Variants in CDH15 observed in about 807,000 individuals in gnomAD.
CDH15 encodes cadherin 15.
A neutral mutation model predicts 69.4 loss-of-function variants in CDH15; 73 were observed. The observed-to-expected ratio is 1.05, with a 90% confidence interval of 0.87 to 1.28. The LOEUF is 1.28. Ranked by LOEUF, CDH15 falls within the 50% of genes most tolerant of loss-of-function variation. CDH15 has a pLI of 0.00. For missense variants in CDH15, 1,343 were observed against 1,133.6 expected, an observed-to-expected ratio of 1.18 and a Z score of -2.65; for synonymous variants, 624 against 507.7, an observed-to-expected ratio of 1.23 and a Z score of -3.08.
intron 3 of CDH15, among the ~76,000 whole-genome samples, chr16:89,180,695 G>A (rs185781521): frequency 3.3e-4 from 50 of 152,344 alleles, no homozygotes; most frequent in Non-Finnish European, 5.1e-4. Context: ...GAGCTCAGGA[G>A]TGTCGTGAAG....
At chr16:89,174,251 C>T (rs1338266056) in intron 1 of CDH15, among the ~76,000 whole-genome samples, 1 of 152,244 alleles carries the variant, frequency 6.6e-6, no homozygotes, top group Non-Finnish European at 1.5e-5. Flanking sequence ...GGGGCCATTC[C>T]TGGCATGCCT....
At chr16:89,189,845 G>A (rs1915597542) in intron 7 of CDH15, among the ~76,000 whole-genome samples, 1 of 152,222 alleles carries the variant, frequency 6.6e-6, no homozygotes, top group African/African-American at 2.4e-5. Context: ...GGCTGGAGCC[G>A]ACGCAGCAGT....
chr16:89,180,314 C>G lies in CDH15; in HGVS notation c.316C>G (p.Leu106Val). ...CGACAAGTTCACAGGGAAGGTCTTC[C>G]TCAATGCCATGCTGGACCGCGAGAA... ...SIDKFTGKVF[L>V]NAMLDREKTD... The change falls in exon 3 of 14, where the codon CTC (leucine) becomes GTC (valine). Residue 106 changes from leucine to valine, a missense_variant. Physicochemically the swap from Leu to Val is conservative, Grantham distance 32. Transcript: ENST00000289746. 1 of 1,612,626 alleles carries G rather than the reference C, an allele frequency of 6.2e-7. No individual in the cohort carries two copies. The highest frequency in any genetic ancestry group is 8.5e-7 in the Non-Finnish European group (1 of 1,179,574).
intron 1 of CDH15, among the ~76,000 whole-genome samples, chr16:89,172,868 G>A (rs775229909): frequency 2.6e-5 from 4 of 152,208 alleles, no homozygotes; most frequent in Non-Finnish European, 5.9e-5. Context: ...GGGCTTAGCG[G>A]TGCTCACAGT....
chr16:89,172,219 GA>G (rs1915172183), intron 1 of CDH15, among the ~76,000 whole-genome samples: 1 of 152,166 alleles, frequency 6.6e-6, no homozygotes, highest in Admixed American at 6.5e-5. Flanking sequence ...GGAGCAGAGA[GA>G]GGGGGGAGCG....
chr16:89,192,627 A>G (rs1377205263), intron 11 of CDH15, among the ~76,000 whole-genome samples, 183 bp downstream of exon 11: 2 of 60,834 alleles, frequency 3.3e-5, no homozygotes, highest in Non-Finnish European at 3.1e-5. Context: ...CCGCCCCGTC[A>G]TTACCAGCCA....
rs141170431 is a variant in CDH15 at position 89,179,505 on chromosome 16, G to T, written c.132G>T (p.Arg44=). The change falls in exon 2 of 14, where the codon CGG becomes CGT. Residue 44 remains arginine (R), a synonymous_variant. Transcript: ENST00000289746. The part of the protein sequence containing the change: ...WRRAPALSRV[R]RAWVIPPISV... ...GGGCGCCTGCCCTGAGCCGCGTGCG[G>T]AGGGCCTGGGTCATCCCCCCGATCA... is the stretch of plus-strand genomic sequence containing the variant. 5.4e-5 allele frequency: 87 copies of T among 1,613,198 alleles called. 1 individual carries two copies. The highest frequency in any genetic ancestry group is 1.2e-4 in the African/African-American group (9 of 74,942).
chr16:89,180,080 C>G, intron 2 of CDH15, 120 bp from the exon 3 acceptor site: 5 of 1,100,202 alleles, frequency 4.5e-6, no homozygotes, highest in Non-Finnish European at 6.7e-6. Flanking sequence ...GATCCGTCCT[C>G]CAGTCCTAGG....
At chr16:89,186,640 C>T (rs552839941) in intron 5 of CDH15, among the ~76,000 whole-genome samples, 1 of 140,068 alleles carries the variant, frequency 7.1e-6, no homozygotes, top group African/African-American at 2.7e-5. Flanking sequence ...AAACGCTCAC[C>T]CAGCGCACAG....
rs757209830 is a variant in CDH15 at position 89,193,814 on chromosome 16, G to A, written c.2052G>A (p.Pro684=). The A allele has an allele frequency of 1.2e-5, 20 of 1,608,668 alleles. No homozygotes were observed. The East Asian group carries it at 3.6e-4, about 29-fold the overall frequency. ...CAGCGCTGAGCCTGCCTCTGGGACCGCCGCCACTTCGCAGAGATGCCCCGC... is the reference window on the plus strand; with the variant it reads ...CAGCGCTGAGCCTGCCTCTGGGACCACCGCCACTTCGCAGAGATGCCCCGC... ...HPTALSLPLG[P]PPLRRDAPQG... Residue 684 remains proline (P), a synonymous_variant, in exon 13 of 14, where the codon CCG becomes CCA. Transcript: ENST00000289746.
intron 10 of CDH15, 114 bp from the exon 11 acceptor site, chr16:89,192,090 TG>T (rs893955184): frequency 1.2e-5 from 16 of 1,346,578 alleles, no homozygotes; most frequent in Middle Eastern, 2.6e-4. Flanking sequence ...ACGGTGGGGG[TG>T]GGGGGGACCC....
At chr16:89,194,016 A>G in intron 13 of CDH15, 103 bp downstream of exon 13, 4 of 1,317,410 alleles carry the variant, frequency 3.0e-6, no homozygotes, top group Non-Finnish European at 4.2e-6. Flanking sequence ...CGGCGCCTGC[A>G]TGCACTTATG....
At chr16:89,183,262 C>T (rs1021921673) in intron 3 of CDH15, 2 of 429,294 alleles carry the variant, frequency 4.7e-6, no homozygotes, top group Non-Finnish European at 4.3e-6. Flanking sequence ...ATTAGGAACC[C>T]TCTGAGAGCC....
At chr16:89,180,479 G>A (rs142654313) in intron 3 of CDH15, 124 bp downstream of exon 3, 1 of 1,117,000 alleles carries the variant, frequency 9.0e-7, no homozygotes, top group Non-Finnish European at 1.3e-6. Context: ...CAAGATCCAG[G>A]CACCCTTAAG....
chr16:89,179,119 G>C (rs1915318561), intron 1 of CDH15, among the ~76,000 whole-genome samples: 1 of 152,232 alleles, frequency 6.6e-6, no homozygotes, highest in South Asian at 2.1e-4. Flanking sequence ...CAGCCTGGCT[G>C]CTGAGTGGGC....
intron 1 of CDH15, among the ~76,000 whole-genome samples, chr16:89,172,973 C>T (rs1478789021): frequency 6.6e-6 from 1 of 152,178 alleles, no homozygotes; most frequent in East Asian, 1.9e-4. Context: ...GAAGGGGCTT[C>T]CTGAGTCCCC....
chr16:89,180,100 C>A, intron 2 of CDH15, 100 bp from the exon 3 acceptor site: 1 of 1,335,384 alleles, frequency 7.5e-7, no homozygotes, highest in Non-Finnish European at 1.0e-6. Context: ...GAGACTTAGA[C>A]CTGCCCTGCT....
chr16:89,178,332 C>G (rs970917870), intron 1 of CDH15, among the ~76,000 whole-genome samples: 16 of 152,204 alleles, frequency 1.1e-4, no homozygotes, highest in Non-Finnish European at 2.4e-4. Context: ...CATCCCCGAG[C>G]ACCAGGGCTT....
At chr16:89,183,487 C>T in intron 3 of CDH15, 61 bp from the exon 4 acceptor site, 1 of 1,603,852 alleles carries the variant, frequency 6.2e-7, no homozygotes, top group Non-Finnish European at 8.5e-7. Flanking sequence ...TCGCATGGCC[C>T]TAACGGGAGC....
Sources: allele counts gnomAD v4.1 joint callset (sites outside exome capture counted in the v4.1 genomes callset), GRCh38; gene constraint gnomAD v4.1.1; transcripts MANE v1.5; gene names NCBI Gene and HGNC (gene_info 2026-07-23, HGNC 2026-07-21).